GTF2F2: variants seen among roughly 807,000 people sequenced by gnomAD.
GTF2F2 encodes the protein general transcription factor IIF subunit 2.
In GTF2F2, 23 loss-of-function variants were observed where a neutral mutation model predicts 42.2. The observed-to-expected ratio is 0.55, with a 90% CI of 0.39 to 0.77. The LOEUF (loss-of-function observed/expected upper bound fraction) is 0.77, where lower values mean the gene tolerates loss of function less well. GTF2F2 is among the 30% of genes least tolerant of loss of function. GTF2F2 has a pLI of 0.00. For synonymous variants in GTF2F2, 105 were observed against 100.8 expected (o/e 1.04, Z -0.25); for missense variants, 261 against 287.2 (o/e 0.91, Z 0.66).
chr13:45,247,964 C>T (rs1030441760), intron 5 of GTF2F2, among the ~76,000 whole-genome samples: 3 of 152,122 alleles, frequency 2.0e-5, no homozygotes, highest in African/African-American at 4.8e-5. Context: ...CCTGCCTCAG[C>T]CTCCTGAGTA....
chr13:45,206,494 A>G (rs1873418255), intron 4 of GTF2F2: 1 of 152,218 alleles, frequency 6.6e-6, no homozygotes, highest in Admixed American at 6.5e-5. Flanking sequence ...AAGATGAATC[A>G]TAAATGCACT....
intron 4 of GTF2F2, among the ~76,000 whole-genome samples, chr13:45,160,144 A>C (rs1018103870): frequency 6.6e-6 from 1 of 152,196 alleles, no homozygotes; most frequent in Non-Finnish European, 1.5e-5. Flanking sequence ...TTTTATTTAA[A>C]AATCGATTTT....
At chr13:45,225,874 T>A (rs1406489269) in intron 5 of GTF2F2, among the ~76,000 whole-genome samples, 3 of 152,220 alleles carry the variant, frequency 2.0e-5, no homozygotes, top group Non-Finnish European at 4.4e-5. Flanking sequence ...CAATAAATTT[T>A]GTTTCCTCAT....
chr13:45,141,090 T>C (rs1413980634), intron 2 of GTF2F2, among the ~76,000 whole-genome samples: 1 of 152,212 alleles, frequency 6.6e-6, no homozygotes, highest in African/African-American at 2.4e-5. Context: ...TCATGTCCCA[T>C]GAATAATACA....
At chr13:45,230,463 T>C (rs1329978888) in intron 5 of GTF2F2, among the ~76,000 whole-genome samples, 1 of 152,168 alleles carries the variant, frequency 6.6e-6, no homozygotes, top group Non-Finnish European at 1.5e-5. Flanking sequence ...GGAGGATACA[T>C]TGAGGTACTT....
chr13:45,271,008 A>G (rs972716857), intron 7 of GTF2F2, among the ~76,000 whole-genome samples: 8 of 152,214 alleles, frequency 5.3e-5, no homozygotes, highest in Middle Eastern at 3.4e-3. Flanking sequence ...CTAGTCCCTG[A>G]TTGGCCGGGC....
At chr13:45,135,756 C>A (rs1869588607) in intron 1 of GTF2F2, among the ~76,000 whole-genome samples, 1 of 152,182 alleles carries the variant, frequency 6.6e-6, no homozygotes, top group Non-Finnish European at 1.5e-5. Context: ...GGCAGCTAGA[C>A]TGTCACTCCA....
At chr13:45,189,898 A>G (rs956883766) in intron 4 of GTF2F2, among the ~76,000 whole-genome samples, 2 of 152,146 alleles carry the variant, frequency 1.3e-5, no homozygotes, top group Non-Finnish European at 2.9e-5. Context: ...TCAGGATGGT[A>G]TTGCAAATGG....
At chr13:45,262,857 G>C (rs1312325675) in intron 6 of GTF2F2, among the ~76,000 whole-genome samples, 1 of 152,050 alleles carries the variant, frequency 6.6e-6, no homozygotes, top group Non-Finnish European at 1.5e-5. Context: ...TAATCCTCCT[G>C]CCTTAGCCTC....
intron 6 of GTF2F2, among the ~76,000 whole-genome samples, chr13:45,256,742 A>G (rs1876118651): frequency 6.6e-6 from 1 of 152,100 alleles, no homozygotes; most frequent in Non-Finnish European, 1.5e-5. Flanking sequence ...GAGAAACATA[A>G]ACGAACACAG....
intron 5 of GTF2F2, among the ~76,000 whole-genome samples, chr13:45,223,892 A>G (rs944050222): frequency 6.6e-6 from 1 of 152,216 alleles, no homozygotes; most frequent in African/African-American, 2.4e-5. Context: ...TTGAAATTCT[A>G]GAGGAGTAAG....
intron 5 of GTF2F2, among the ~76,000 whole-genome samples, chr13:45,243,661 G>GT (rs1875440087): frequency 1.3e-5 from 2 of 152,028 alleles, no homozygotes; most frequent in Admixed American, 1.3e-4. Flanking sequence ...TTGTTTTTGG[G>GT]TTTTTTGTTT....
intron 5 of GTF2F2, among the ~76,000 whole-genome samples, chr13:45,231,779 C>T (rs1204673579): frequency 1.3e-5 from 2 of 152,098 alleles, no homozygotes; most frequent in East Asian, 3.9e-4. Flanking sequence ...GAATTTTTCT[C>T]TGAATCCCAG....
intron 1 of GTF2F2, among the ~76,000 whole-genome samples, chr13:45,135,449 G>C (rs1192352595): frequency 6.6e-6 from 1 of 150,936 alleles, no homozygotes; most frequent in Non-Finnish European, 1.5e-5. Flanking sequence ...TAGTAGAGGT[G>C]GGGTTTCACC....
chr13:45,166,390 A>G (rs1220697531), intron 4 of GTF2F2, among the ~76,000 whole-genome samples: 1 of 152,218 alleles, frequency 6.6e-6, no homozygotes, highest in Non-Finnish European at 1.5e-5. Flanking sequence ...CAAGTCATTC[A>G]TGTTACTATG....
chr13:45,179,334 A>G (rs143555221), intron 4 of GTF2F2, among the ~76,000 whole-genome samples: 1 of 152,334 alleles, frequency 6.6e-6, no homozygotes, highest in African/African-American at 2.4e-5. Context: ...AAATTAGGTG[A>G]TCATTACAGT....
intron 5 of GTF2F2, among the ~76,000 whole-genome samples, chr13:45,241,488 A>G (rs1240632430): frequency 1.2e-4 from 18 of 152,206 alleles, no homozygotes; most frequent in Admixed American, 1.2e-3. Flanking sequence ...GCCACTAGCT[A>G]CATGTGGCAA....
At chr13:45,187,764 A>G (rs368994103) in intron 4 of GTF2F2, among the ~76,000 whole-genome samples, 2 of 152,232 alleles carry the variant, frequency 1.3e-5, no homozygotes, top group Non-Finnish European at 2.9e-5. Context: ...TCCATATTAC[A>G]TCTTTGTTTT....
At chr13:45,194,011 T>G in intron 4 of GTF2F2, 1 of 1,614,120 alleles carries the variant, frequency 6.2e-7, no homozygotes, top group Non-Finnish European at 8.5e-7. Flanking sequence ...TATTGAAAAC[T>G]CCTCTGGAAA....
Sources: allele counts gnomAD v4.1 joint callset (sites outside exome capture counted in the v4.1 genomes callset), GRCh38; gene constraint gnomAD v4.1.1; transcripts MANE v1.5; gene names NCBI Gene and HGNC (gene_info 2026-07-23, HGNC 2026-07-21).